Variants in TANC1 observed in about 807,000 individuals in gnomAD.
TANC1 encodes tetratricopeptide repeat, ankyrin repeat and coiled-coil containing 1.
Under a neutral mutation model 149.7 loss-of-function variants are expected in TANC1, and 77 were observed. That is an observed-to-expected ratio of 0.51 (90% CI 0.43 to 0.62). The LOEUF is 0.62. Among genes scored for constraint, TANC1 ranks in the 20% least tolerant of loss-of-function variants. The pLI is 0.00. For synonymous variants in TANC1, 854 were observed against 925.0 expected, an observed-to-expected ratio of 0.92 and a Z score of 1.39; for missense variants, 1,985 against 2,321.8, an observed-to-expected ratio of 0.85 and a Z score of 2.98.
chr2:159,159,715 T>TGAGAGA (rs1221978334), intron 7 of TANC1, among the ~76,000 whole-genome samples: 9 of 63,220 alleles, frequency 1.4e-4, no homozygotes, highest in South Asian at 1.4e-3. Context: ...TGTGTGTGTG[T>TGAGAGA]GTGAGAGAGA....
chr2:159,039,236 T>A (rs1200067987), intron 2 of TANC1, among the ~76,000 whole-genome samples: 1 of 152,200 alleles, frequency 6.6e-6, no homozygotes, highest in Non-Finnish European at 1.5e-5. Flanking sequence ...TTGATTCTTC[T>A]CTTCTTTATT....
At chr2:159,213,714 G>A (rs1195652358) in intron 19 of TANC1, among the ~76,000 whole-genome samples, 1 of 152,130 alleles carries the variant, frequency 6.6e-6, no homozygotes, top group Non-Finnish European at 1.5e-5. Flanking sequence ...GGCTCTTCCT[G>A]TAGTTCTAAG....
intron 19 of TANC1, among the ~76,000 whole-genome samples, chr2:159,200,565 G>A (rs2058174693): frequency 6.6e-6 from 1 of 152,186 alleles, no homozygotes; most frequent in African/African-American, 2.4e-5. Flanking sequence ...TGAAGGCTTT[G>A]TTTGAGCTCT....
intron 19 of TANC1, among the ~76,000 whole-genome samples, chr2:159,209,347 GTTC>G (rs1329825089): frequency 3.4e-4 from 52 of 152,332 alleles, no homozygotes; most frequent in Admixed American, 9.1e-4. Flanking sequence ...TGGAAAGTAT[GTTC>G]TTCTTTCTAA....
intron 5 of TANC1, among the ~76,000 whole-genome samples, chr2:159,145,048 A>G (rs372115926): frequency 1.3e-5 from 2 of 151,602 alleles, no homozygotes; most frequent in Non-Finnish European, 3.0e-5. Flanking sequence ...AGACTTCTCT[A>G]TGGAGTGATA....
At chr2:159,225,634 G>C (rs959002669) in intron 23 of TANC1, 54 bp from the exon 24 acceptor site, 17 of 1,447,914 alleles carry the variant, frequency 1.2e-5, no homozygotes, top group Non-Finnish European at 1.6e-5. Context: ...GGAGGAATTG[G>C]GATCCTTTCC....
At chr2:159,173,917 A>T (rs994516288) in intron 11 of TANC1, among the ~76,000 whole-genome samples, 1 of 152,170 alleles carries the variant, frequency 6.6e-6, no homozygotes, top group African/African-American at 2.4e-5. Context: ...TTGGGATCTA[A>T]TCCCACATCC....
At chr2:159,136,170 A>G (rs1574901023) in intron 4 of TANC1, 24 bp from the exon 5 acceptor site, 1 of 1,419,792 alleles carries the variant, frequency 7.0e-7, no homozygotes, top group African/African-American at 1.4e-5. Flanking sequence ...AAAATTAGCC[A>G]CACTCAGATC....
At chr2:159,136,416 G>T in intron 5 of TANC1, 118 bp downstream of exon 5, 1 of 653,938 alleles carries the variant, frequency 1.5e-6, no homozygotes, top group Non-Finnish European at 2.7e-6. Context: ...GTATTTGGGA[G>T]GTATTTTCCC....
chr2:159,219,726 G>C lies in TANC1; in HGVS notation c.3537G>C (p.Leu1179=). ...TTTCTTCTCTAGACAAAGAGGGTCT[G>C]TCAGCATTAAGCTGGGCTTGTCTGA... The part of the protein sequence containing the change: ...AALSSLDKEG[L]SALSWACLKG... Residue 1179 remains leucine (L), a synonymous_variant, in exon 22 of 27, where the codon CTG becomes CTC. Coordinates refer to ENST00000263635, the MANE Select transcript of TANC1 (RefSeq NM_033394.3). The C allele has an allele frequency of 1.2e-6, 2 of 1,614,240 alleles. No homozygotes were observed. The highest frequency in any genetic ancestry group is 1.7e-6 in the Non-Finnish European group (2 of 1,180,044).
intron 2 of TANC1, among the ~76,000 whole-genome samples, chr2:159,031,277 T>C (rs2039760446): frequency 6.6e-6 from 1 of 151,764 alleles, no homozygotes; most frequent in Admixed American, 6.6e-5. Context: ...GCAAGGGGAG[T>C]GTGGGGGCAA....
chr2:159,159,927 A>T (rs1337527874), intron 7 of TANC1, among the ~76,000 whole-genome samples: 1 of 152,088 alleles, frequency 6.6e-6, no homozygotes, highest in African/African-American at 2.4e-5. Context: ...AGGCTGATGC[A>T]GGAGGACTGA....
intron 3 of TANC1, among the ~76,000 whole-genome samples, chr2:159,095,519 C>T (rs1031038237): frequency 7.2e-5 from 11 of 151,870 alleles, no homozygotes; most frequent in African/African-American, 1.9e-4. Flanking sequence ...AGGTAGATCA[C>T]GAGGTCAGAA....
chr2:159,024,056 AAC>A (rs1360013808), intron 2 of TANC1, among the ~76,000 whole-genome samples: 5 of 152,130 alleles, frequency 3.3e-5, no homozygotes, highest in African/African-American at 1.2e-4. Flanking sequence ...CACAAATATT[AAC>A]ACTTTGTCAG....
At chr2:159,224,161 C>T in intron 22 of TANC1, 71 bp from the exon 23 acceptor site, 4 of 1,579,466 alleles carry the variant, frequency 2.5e-6, no homozygotes, top group South Asian at 1.1e-5. Context: ...TAAGACTGCC[C>T]ACCCCTAAAT....
intron 2 of TANC1, among the ~76,000 whole-genome samples, chr2:159,022,260 C>A (rs2038888928): frequency 6.6e-6 from 1 of 152,148 alleles, no homozygotes; most frequent in African/African-American, 2.4e-5. Context: ...ACAGTTGCAA[C>A]TTGGGAGTTA....
In TANC1 at chr2:159,231,568, A is replaced by C. The variant is rs1453633420; in HGVS notation, c.*556A>C. 1 of 153,500 alleles carries C rather than the reference A, an allele frequency of 6.5e-6. No individual in the cohort carries two copies. Among genetic ancestry groups the C allele is most frequent in the East Asian group, 1.9e-4 (1 of 5,218 alleles). The allele number at this position is 153,500 out of a possible 1,614,324, so 9.5% of individuals were successfully genotyped here. A position where few individuals can be genotyped will look rare whatever the true frequency, so the allele number is the denominator to read the frequency against. The stretch of plus-strand genomic sequence containing the variant: ...ATTTTTTTAAGCAGAATATGAGAAC[A>C]CCTAAGTATTCTCTTCATAGCAGTT... On this transcript the variant is annotated 3_prime_UTR_variant, in exon 27 of 27. Coordinates refer to ENST00000263635, the MANE Select transcript of TANC1 (RefSeq NM_033394.3).
chr2:159,007,911 G>C (rs2037377618), intron 2 of TANC1, among the ~76,000 whole-genome samples: 2 of 152,220 alleles, frequency 1.3e-5, no homozygotes, highest in Non-Finnish European at 2.9e-5. Context: ...AGAGCCTAAA[G>C]TGGGGCGCTC....
chr2:158,972,648 G>A (rs978628096), intron 1 of TANC1, among the ~76,000 whole-genome samples: 33 of 152,136 alleles, frequency 2.2e-4, no homozygotes, highest in African/African-American at 8.0e-4. Flanking sequence ...TCCATCTTCA[G>A]CTTTTTAAAC....
Sources: gnomAD v4.1 joint callset for allele counts (sites outside exome capture counted in the v4.1 genomes callset) on GRCh38, gnomAD v4.1.1 for gene constraint, MANE v1.5 for transcripts, NCBI Gene and HGNC (gene_info 2026-07-23, HGNC 2026-07-21) for gene names.